PPP1R14C: variants seen among roughly 807,000 people sequenced by gnomAD.
The protein encoded by PPP1R14C is protein phosphatase 1 regulatory subunit 14C.
Under a neutral mutation model 20.4 loss-of-function variants are expected in PPP1R14C, and 16 were observed. That is an observed-to-expected ratio of 0.78 (90% confidence interval 0.53 to 1.19). The LOEUF (loss-of-function observed/expected upper bound fraction) is 1.19. PPP1R14C is among the 50% of genes most tolerant of loss of function. The probability of loss-of-function intolerance (pLI) is 0.00; values close to 1 mark genes in which losing one functional copy is unlikely to be tolerated. For missense variants in PPP1R14C, 211 were observed against 220.1 expected (o/e 0.96, Z 0.26); for synonymous variants, 91 against 91.0 (o/e 1.00, Z 0.00).
At chr6:150,181,718 G>C (rs756733233) in intron 1 of PPP1R14C, among the ~76,000 whole-genome samples, 1 of 152,198 alleles carries the variant, frequency 6.6e-6, no homozygotes, top group Non-Finnish European at 1.5e-5. Flanking sequence ...TTGCTGCAGA[G>C]CTAAGCTGTT....
intron 1 of PPP1R14C, among the ~76,000 whole-genome samples, chr6:150,207,451 G>T (rs56292304): frequency 1.3e-5 from 2 of 152,190 alleles, no homozygotes; most frequent in Non-Finnish European, 1.5e-5. Context: ...CATGCCTTGC[G>T]TGCTCCCCAG....
intron 1 of PPP1R14C, among the ~76,000 whole-genome samples, chr6:150,167,234 G>T (rs1777432372): frequency 6.6e-6 from 1 of 152,166 alleles, no homozygotes; most frequent in Non-Finnish European, 1.5e-5. Context: ...TGGGCATGGT[G>T]GCACACACCT....
chr6:150,194,110 C>T (rs112787394), intron 1 of PPP1R14C, among the ~76,000 whole-genome samples: 2,036 of 152,252 alleles, frequency 0.013, 39 homozygotes, highest in African/African-American at 0.04. Context: ...GCAGTGCCTT[C>T]CGCCTTCTGC....
chr6:150,171,772 TG>T, intron 1 of PPP1R14C, among the ~76,000 whole-genome samples: 1 of 152,232 alleles, frequency 6.6e-6, no homozygotes, highest in Non-Finnish European at 1.5e-5. Flanking sequence ...AATCAACAAA[TG>T]TTTATCAGCA....
chr6:150,153,863 T>C (rs1019769688), intron 1 of PPP1R14C, among the ~76,000 whole-genome samples: 3 of 152,218 alleles, frequency 2.0e-5, no homozygotes, highest in African/African-American at 7.2e-5. Flanking sequence ...GGCTGGAATA[T>C]TCATTCACTC....
intron 1 of PPP1R14C, among the ~76,000 whole-genome samples, chr6:150,184,069 G>A (rs901285754): frequency 2.0e-5 from 3 of 152,224 alleles, no homozygotes; most frequent in African/African-American, 7.2e-5. Context: ...AATCAGGCAA[G>A]TTGAATGTTA....
chr6:150,230,456 T>A (rs1345743457), intron 3 of PPP1R14C, among the ~76,000 whole-genome samples: 1 of 152,186 alleles, frequency 6.6e-6, no homozygotes, highest in African/African-American at 2.4e-5. Context: ...CGTGGGGAGT[T>A]GCATGGCCCA....
At chr6:150,229,307 C>T (rs1033211432) in intron 3 of PPP1R14C, among the ~76,000 whole-genome samples, 1 of 152,128 alleles carries the variant, frequency 6.6e-6, no homozygotes, top group Admixed American at 6.5e-5. Flanking sequence ...TACTTTAGTT[C>T]CTCAGTGATT....
In PPP1R14C at chr6:150,250,066, G is replaced by T. The variant is rs934870551; in HGVS notation, c.*1246G>T. The T allele has an allele frequency of 6.6e-6, 1 of 152,630 alleles. No homozygotes were observed. The highest frequency in any genetic ancestry group is 2.4e-5 in the African/African-American group (1 of 41,442). The allele number at this position is 152,630 out of a possible 1,614,324, so 9.5% of individuals were successfully genotyped here. ...CTCTTTGGAGAAGGATCAAAATTCA[G>T]ATGGAATGTGGGATGGGTAATAGGT... On this transcript the variant is annotated 3_prime_UTR_variant, in exon 4 of 4. Coordinates refer to ENST00000361131, the MANE Select transcript of PPP1R14C (RefSeq NM_030949.3).
intron 1 of PPP1R14C, among the ~76,000 whole-genome samples, chr6:150,152,311 C>G (rs904172529): frequency 1.3e-5 from 2 of 152,136 alleles, no homozygotes; most frequent in Admixed American, 6.5e-5. Context: ...CTGGGTTGGG[C>G]CTCCCGCTCT....
chr6:150,187,497 G>GTGTCCATGTGTTCTCATCT (rs1307838265), intron 1 of PPP1R14C, among the ~76,000 whole-genome samples: 2 of 151,984 alleles, frequency 1.3e-5, no homozygotes, highest in African/African-American at 4.8e-5. Context: ...TCTCCTCTGT[G>GTGTCCATGTGTTCTCATCT]TGTCCATGTG....
intron 3 of PPP1R14C, among the ~76,000 whole-genome samples, chr6:150,230,756 T>A (rs1434397811): frequency 6.6e-6 from 1 of 152,202 alleles, no homozygotes; most frequent in African/African-American, 2.4e-5. Flanking sequence ...TCCATTTATC[T>A]CGTTTAGCTT....
At chr6:150,217,353 G>A (rs553808878) in intron 3 of PPP1R14C, among the ~76,000 whole-genome samples, 83 of 151,888 alleles carry the variant, frequency 5.5e-4, no homozygotes, top group African/African-American at 1.9e-3. Flanking sequence ...GCGTCACCAC[G>A]CCCGGCTAAT....
At chr6:150,218,232 T>C (rs1435565067) in intron 3 of PPP1R14C, among the ~76,000 whole-genome samples, 2 of 151,956 alleles carry the variant, frequency 1.3e-5, no homozygotes, top group African/African-American at 4.8e-5. Context: ...TGAAACCCCG[T>C]CTCTACTAAA....
intron 3 of PPP1R14C, among the ~76,000 whole-genome samples, chr6:150,218,587 T>C (rs1778128460): frequency 6.6e-6 from 1 of 151,600 alleles, no homozygotes; most frequent in Non-Finnish European, 1.5e-5. Context: ...TGTATTTCTA[T>C]ATTTTCATAA....
chr6:150,182,510 A>G (rs1161942739), intron 1 of PPP1R14C, among the ~76,000 whole-genome samples: 1 of 152,166 alleles, frequency 6.6e-6, no homozygotes, highest in African/African-American at 2.4e-5. Context: ...TCATGACCTA[A>G]TAACCTCCCA....
At chr6:150,149,661 T>A (rs1039080680) in intron 1 of PPP1R14C, among the ~76,000 whole-genome samples, 4 of 152,046 alleles carry the variant, frequency 2.6e-5, no homozygotes, top group Admixed American at 6.6e-5. Context: ...GAGGACTGAT[T>A]GGTGAGACAC....
At chr6:150,166,091 T>G (rs1321981233) in intron 1 of PPP1R14C, among the ~76,000 whole-genome samples, 1 of 151,778 alleles carries the variant, frequency 6.6e-6, no homozygotes, top group African/African-American at 2.4e-5. Context: ...TTTTTTTTTT[T>G]TGAGACGGAG....
chr6:150,219,930 G>A (rs538701048), intron 3 of PPP1R14C, among the ~76,000 whole-genome samples: 1 of 151,924 alleles, frequency 6.6e-6, no homozygotes, highest in Non-Finnish European at 1.5e-5. Context: ...ATGTAGGCTC[G>A]CTGAAAAACC....
Sources: gnomAD v4.1 joint callset for allele counts (sites outside exome capture counted in the v4.1 genomes callset) on GRCh38, gnomAD v4.1.1 for gene constraint, MANE v1.5 for transcripts, NCBI Gene and HGNC (gene_info 2026-07-23, HGNC 2026-07-21) for gene names.